Variants in SLC9A1 observed in about 807,000 individuals in gnomAD.
The protein encoded by SLC9A1 is sodium/hydrogen exchanger 1.
SLC9A1 carries 22 observed loss-of-function variants against 67.9 expected under a neutral mutation model. The ratio of observed to expected loss-of-function variants is 0.32; its 90% confidence interval spans 0.23 to 0.46. The LOEUF is 0.46. Among genes scored for constraint, SLC9A1 ranks in the 20% least tolerant of loss-of-function variants. SLC9A1 has a pLI of 1.00. For synonymous variants in SLC9A1, 421 were observed against 471.8 expected (o/e 0.89, Z 1.40); for missense variants, 686 against 1,094.8 (o/e 0.63, Z 5.27).
At chr1:27,143,829 A>T (rs2083466150) in intron 1 of SLC9A1, among the ~76,000 whole-genome samples, 1 of 152,224 alleles carries the variant, frequency 6.6e-6, no homozygotes, top group Non-Finnish European at 1.5e-5. Context: ...TATGAAAACT[A>T]AATTTGCCTT....
In SLC9A1 at chr1:27,109,589, G is replaced by A. The variant is rs1263715865; in HGVS notation, c.1002C>T (p.Val334=). The change falls in exon 3 of 12, where the codon GTC becomes GTT. Residue 334 remains valine (V), a synonymous_variant. Coordinates refer to ENST00000263980, the MANE Select transcript of SLC9A1 (RefSeq NM_003047.5). The surrounding 1 kb of genome is among the most constrained non-coding windows in gnomAD (Gnocchi z 5.5). The part of the protein sequence containing the change: ...SHIRVIEPLF[V]FLYSYMAYLS... ...AGTAGGCCATGTAGCTGTAGAGGAA[G>A]ACGAAGAGCGGCTCGATGACCCGGA... 6.2e-7 allele frequency: 1 copy of A among 1,614,062 alleles called. No homozygotes were observed. The highest frequency in any genetic ancestry group is 1.3e-5 in the African/African-American group (1 of 75,038).
rs752306761 is a variant in SLC9A1, at chr1:27,102,018, G to A, written c.1933C>T (p.Arg645Trp). ...LRNNLQKTRQ[R>W]LRSYNRHTLV... is the part of the protein sequence containing the mutation. ...CGGGCTGGGGAGCAGGCCCTCACCC[G>A]CTGCCTGGTCTTCTGCAAGTTGTTC... Residue 645 changes from arginine to tryptophan, a missense_variant and splice_region_variant, in exon 9 of 12, where the codon CGG becomes TGG. Physicochemically the swap from Arg to Trp is moderately radical, Grantham distance 101. This residue lies in a region of SLC9A1 where 226 missense variants were observed against 282.4 expected (regional missense o/e 0.80). Coordinates refer to ENST00000263980, the MANE Select transcript of SLC9A1 (RefSeq NM_003047.5). 7 of 1,607,930 alleles carry A rather than the reference G, an allele frequency of 4.4e-6. No homozygotes were observed. Among genetic ancestry groups the A allele is most frequent in the South Asian group, 1.1e-5 (1 of 90,984 alleles).
intron 1 of SLC9A1, among the ~76,000 whole-genome samples, chr1:27,146,532 G>T (rs2083486382): frequency 6.6e-6 from 1 of 152,222 alleles, no homozygotes; most frequent in Non-Finnish European, 1.5e-5. Context: ...AAAGAACACA[G>T]GCTCTGAAGT....
Position 27,101,087 on chromosome 1 carries a change from G to A in SLC9A1, c.2110+116C>T. Reference sequence around the variant, plus strand: ...TCATGGCTTGGGAGGGGATCCTGAGGTCAGCGAGGGCCAGGCCTGTCCTCC... The same window carrying A: ...TCATGGCTTGGGAGGGGATCCTGAGATCAGCGAGGGCCAGGCCTGTCCTCC... On this transcript the variant is annotated intron_variant, in intron 11 of 11. Transcript: ENST00000263980. The surrounding 1 kb of genome is among the most constrained non-coding windows in gnomAD (Gnocchi z 4.9). 1 of 753,556 alleles carries A rather than the reference G, an allele frequency of 1.3e-6. No individual in the cohort carries two copies. Among genetic ancestry groups the A allele is most frequent in the Non-Finnish European group, 2.2e-6 (1 of 455,382 alleles). The allele number at this position is 753,556 out of a possible 1,614,324, so 46.7% of individuals were successfully genotyped here.
At chr1:27,123,984 C>T (rs369390774) in intron 1 of SLC9A1, among the ~76,000 whole-genome samples, 6 of 152,216 alleles carry the variant, frequency 3.9e-5, no homozygotes, top group South Asian at 4.1e-4. Flanking sequence ...GTGCCACGCC[C>T]GGCTAATTTT....
chr1:27,108,257 G>A (rs959303184), intron 3 of SLC9A1, among the ~76,000 whole-genome samples: 9 of 150,970 alleles, frequency 6.0e-5, no homozygotes, highest in East Asian at 3.9e-4. Flanking sequence ...TAGTAGAGAC[G>A]GGGTTTCACC....
intron 1 of SLC9A1, among the ~76,000 whole-genome samples, chr1:27,152,851 T>G (rs2083539291): frequency 6.6e-6 from 1 of 152,160 alleles, no homozygotes; most frequent in Non-Finnish European, 1.5e-5. Context: ...TTGGGAGAGC[T>G]GGAAGGTTTC....
chr1:27,110,207 T>C (rs1326163755), intron 2 of SLC9A1, among the ~76,000 whole-genome samples: 1 of 152,230 alleles, frequency 6.6e-6, no homozygotes, highest in Non-Finnish European at 1.5e-5. Flanking sequence ...CCTGATGCAG[T>C]GTTAGCCACA....
chr1:27,154,171 C>T lies in SLC9A1; in HGVS notation c.164G>A (p.Arg55His), dbSNP rs2083550695. 5 of 1,613,992 alleles carry T rather than the reference C, an allele frequency of 3.1e-6. No homozygotes were observed. The highest frequency in any genetic ancestry group is 4.2e-6 in the Non-Finnish European group (5 of 1,180,010). The change falls in exon 1 of 12, where the codon CGC becomes CAC. Residue 55 changes from arginine (R) to histidine (H), a missense_variant. Coordinates refer to ENST00000263980, the MANE Select transcript of SLC9A1 (RefSeq NM_003047.5). Reference protein sequence around the residue: ...TIRSSEPPRERSIGDVTTAPP... With the variant: ...TIRSSEPPREHSIGDVTTAPP... The stretch of plus-strand genomic sequence containing the variant: ...AGCGGTGGTGACATCCCCAATCGAG[C>T]GTTCTCGTGGTGGCTCTGAGCTTCG...
In SLC9A1 at chr1:27,150,742, A is replaced by T. The variant is rs929103803; in HGVS notation, c.352+3241T>A. Among the ~76,000 whole-genome samples, 24 of 152,246 alleles carry T rather than the reference A, an allele frequency of 1.6e-4. No individual in the cohort carries two copies. In the East Asian group the frequency reaches 4.6e-3, roughly 29 times the overall value. On this transcript the variant is annotated intron_variant, in intron 1 of 11. Coordinates refer to ENST00000263980, the MANE Select transcript of SLC9A1 (RefSeq NM_003047.5). ...CAGAGGTAGACTAGAACCCAGAAGCAACTATTCTAGAACTTCAGCTCCCAC... is the reference window on the plus strand; with the variant it reads ...CAGAGGTAGACTAGAACCCAGAAGCTACTATTCTAGAACTTCAGCTCCCAC...
At chr1:27,128,545 A>G (rs2124180912) in intron 1 of SLC9A1, among the ~76,000 whole-genome samples, 1 of 151,992 alleles carries the variant, frequency 6.6e-6, no homozygotes, top group East Asian at 1.9e-4. Context: ...AGTCCCAGCT[A>G]CTAGGGAGGC....
At chr1:27,132,511 C>T (rs1005630380) in intron 1 of SLC9A1, among the ~76,000 whole-genome samples, 2 of 152,186 alleles carry the variant, frequency 1.3e-5, no homozygotes, top group Non-Finnish European at 2.9e-5. Flanking sequence ...TAGTTACTCT[C>T]TCTGGACATC....
intron 1 of SLC9A1, among the ~76,000 whole-genome samples, chr1:27,135,526 A>AG (rs890166375): frequency 1.3e-3 from 16 of 12,174 alleles, no homozygotes; most frequent in Admixed American, 8.8e-3. Context: ...TTTTTTCTGG[A>AG]AAAAAAAAAA....
chr1:27,139,731 C>CTGTGTCATTCCG (rs963719561), intron 1 of SLC9A1, among the ~76,000 whole-genome samples: 1 of 151,668 alleles, frequency 6.6e-6, no homozygotes, highest in African/African-American at 2.4e-5. Context: ...ATCTGTGGCT[C>CTGTGTCATTCCG]TGTGTCATTC....
In SLC9A1 at chr1:27,154,218, G is replaced by A. The variant is rs756243521; in HGVS notation, c.117C>T (p.Leu39=). ...TTCGAATGGTGCTGGCAGTTGGGCT[G>A]AGCTGGAGGCCATGGCTCCTGAGAA... ...LPVLRSHGLQ[L]SPTASTIRSS... is the part of the protein sequence containing the mutation. Residue 39 remains leucine, a synonymous_variant, in exon 1 of 12, where the codon CTC becomes CTT. Transcript: ENST00000263980. 3 of 1,614,088 alleles carry A rather than the reference G, an allele frequency of 1.9e-6. No homozygotes were observed. The highest frequency in any genetic ancestry group is 2.5e-6 in the Non-Finnish European group (3 of 1,179,986).
chr1:27,100,413 G>A lies in SLC9A1; in HGVS notation c.2342C>T (p.Ala781Val), dbSNP rs556347900. 2.2e-5 allele frequency: 35 copies of A among 1,608,624 alleles called. No homozygotes were observed. Among genetic ancestry groups the A allele is most frequent in the African/African-American group, 2.0e-4 (15 of 75,038 alleles). The change falls in exon 12 of 12, where the codon GCG becomes GTG. Residue 781 changes from alanine to valine, a missense_variant. By Grantham distance (64) the Ala-to-Val change is moderately conservative. Around this residue, in one of 7 missense-constraint regions of SLC9A1, gnomAD observed 226 missense variants for 282.4 expected, o/e 0.80. Transcript: ENST00000263980. This position sits in a 1 kb window ranked among gnomAD's most constrained non-coding sequence, Gnocchi z 5.6. ...SPGTDDVFTPAPSDSPSSQRI... is the reference protein window; with the variant it reads ...SPGTDDVFTPVPSDSPSSQRI... ...CTGGGAGCTGGGGCTGTCACTGGGC[G>A]CGGGGGTGAAGACATCGTCGGTTCC...
Position 27,154,432 on chromosome 1 carries a change from T to A in SLC9A1, c.-98A>T. The A allele has an allele frequency of 1.4e-6, 1 of 700,096 alleles. No individual in the cohort carries two copies. Among genetic ancestry groups the A allele is most frequent in the African/African-American group, 1.8e-5 (1 of 55,472 alleles). The allele number at this position is 700,096 out of a possible 1,614,324, so 43.4% of individuals were successfully genotyped here. A position where few individuals can be genotyped will look rare whatever the true frequency, so the allele number is the denominator to read the frequency against. On this transcript the variant is annotated 5_prime_UTR_variant, in exon 1 of 12. Transcript: ENST00000263980. The stretch of plus-strand genomic sequence containing the variant: ...CAGCAAGTGGGAAGAGAGACTGGCG[T>A]AGTCTCTAGGAAAAGTTCATGTTTT...
chr1:27,131,902 T>C (rs1457387054), intron 1 of SLC9A1, among the ~76,000 whole-genome samples: 1 of 122,826 alleles, frequency 8.1e-6, no homozygotes, highest in Non-Finnish European at 1.6e-5. Context: ...GCCTGGGCAA[T>C]AGAGGGAGAA....
At chr1:27,131,947 A>AAAAAATATATATATATATATATATATAT in intron 1 of SLC9A1, among the ~76,000 whole-genome samples, 1 of 52,128 alleles carries the variant, frequency 1.9e-5, no homozygotes, top group African/African-American at 6.3e-5. Flanking sequence ...AGAAAAAAAA[A>AAAAAATATATATATATATATATATATAT]ATATATATAT....
Sources: allele counts gnomAD v4.1 joint callset (sites outside exome capture counted in the v4.1 genomes callset), GRCh38; gene constraint gnomAD v4.1.1; regional missense constraint gnomAD v4.1.1; non-coding constraint Gnocchi (gnomAD v3.1); transcripts MANE v1.5; gene names NCBI Gene and HGNC (gene_info 2026-07-23, HGNC 2026-07-21).